Variants in APBA2 observed in about 807,000 individuals in gnomAD.
APBA2 encodes the protein amyloid-beta A4 precursor protein-binding family A member 2.
APBA2 carries 30 observed loss-of-function variants against 75.0 expected under a neutral mutation model. That is an observed-to-expected ratio of 0.40 (90% CI 0.30 to 0.54). The LOEUF is 0.54. Ranked by LOEUF, APBA2 falls within the 20% of genes least tolerant of loss-of-function variation. The probability of loss-of-function intolerance (pLI) is 0.49; values close to 1 mark genes in which losing one functional copy is unlikely to be tolerated. For missense variants in APBA2, 801 were observed against 1,016.1 expected, an observed-to-expected ratio of 0.79 and a Z score of 2.88; for synonymous variants, 444 against 409.6, an observed-to-expected ratio of 1.08 and a Z score of -1.01.
chr15:28,934,688 GCCT>G (rs1200540545), intron 2 of APBA2, among the ~76,000 whole-genome samples: 1 of 152,140 alleles, frequency 6.6e-6, no homozygotes, highest in Non-Finnish European at 1.5e-5. Flanking sequence ...ATCCCCTGGG[GCCT>G]CCTCAGAGCC....
intron 2 of APBA2, among the ~76,000 whole-genome samples, chr15:28,985,413 C>T (rs1048292895): frequency 2.7e-4 from 41 of 152,270 alleles, no homozygotes; most frequent in African/African-American, 9.4e-4. Flanking sequence ...CCTAACAAGC[C>T]GAGGTCAGAG....
At chr15:29,025,066 T>G (rs1293303152) in intron 3 of APBA2, among the ~76,000 whole-genome samples, 1 of 152,164 alleles carries the variant, frequency 6.6e-6, no homozygotes, top group African/African-American at 2.4e-5. Context: ...CAAGAATACT[T>G]CATAAGCGGT....
intron 8 of APBA2, among the ~76,000 whole-genome samples, chr15:29,096,387 C>T (rs2043852014): frequency 6.6e-6 from 1 of 152,218 alleles, no homozygotes; most frequent in South Asian, 2.1e-4. Flanking sequence ...CCTCAGGTTT[C>T]CTCCACAATT....
chr15:29,083,443 G>C (rs996630075), intron 6 of APBA2, among the ~76,000 whole-genome samples: 1 of 152,022 alleles, frequency 6.6e-6, no homozygotes, highest in Non-Finnish European at 1.5e-5. Context: ...TTCCATTTCA[G>C]ATTTTTTTCC....
intron 3 of APBA2, among the ~76,000 whole-genome samples, chr15:29,029,007 T>A (rs112582998): frequency 7.9e-4 from 121 of 152,338 alleles, no homozygotes; most frequent in Middle Eastern, 3.4e-3. Context: ...AGCTCTTTAG[T>A]TTAATTAGTT....
At chr15:29,094,840 A>T (rs1244590921) in intron 8 of APBA2, among the ~76,000 whole-genome samples, 2 of 151,634 alleles carry the variant, frequency 1.3e-5, no homozygotes, top group African/African-American at 4.8e-5. Flanking sequence ...CAGGAGGATC[A>T]TTTGAGCCTA....
chr15:29,051,220 A>G lies in APBA2; in HGVS notation c.-40-2625A>G, dbSNP rs745698647. On this transcript the variant is annotated intron_variant, in intron 3 of 14. Coordinates refer to ENST00000683413, the MANE Select transcript of APBA2 (RefSeq NM_001353788.2). ...GTGTTCTTGATGTGTCCTCTGACAC[A>G]TCTGGGTTGCAGATGTCTTAGTGAG... 2.6e-5 allele frequency among the ~76,000 whole-genome samples: 4 copies of G among 152,172 alleles called. No homozygotes were observed. In the South Asian group the frequency reaches 8.3e-4, roughly 32 times the overall value.
At chr15:28,961,063 C>T (rs1248516565) in intron 2 of APBA2, among the ~76,000 whole-genome samples, 2 of 152,166 alleles carry the variant, frequency 1.3e-5, no homozygotes, top group Non-Finnish European at 2.9e-5. Flanking sequence ...CTAGCCGACA[C>T]CCATCATTCT....
intron 2 of APBA2, among the ~76,000 whole-genome samples, chr15:28,940,662 C>T (rs575068008): frequency 2.6e-5 from 4 of 152,272 alleles, no homozygotes; most frequent in African/African-American, 9.6e-5. Flanking sequence ...GGCCTGGAAT[C>T]AGTGGCCAAA....
intron 1 of APBA2, among the ~76,000 whole-genome samples, chr15:28,889,195 G>A (rs546283341): frequency 2.4e-4 from 37 of 152,162 alleles, no homozygotes; most frequent in Non-Finnish European, 4.9e-4. Flanking sequence ...GCTGTCGTGG[G>A]CACCGTCTTT....
intron 3 of APBA2, among the ~76,000 whole-genome samples, chr15:29,010,204 G>A (rs1401207147): frequency 6.6e-6 from 1 of 152,056 alleles, no homozygotes; most frequent in African/African-American, 2.4e-5. Flanking sequence ...TGAAGTTTTT[G>A]TGCAAGTTTT....
intron 2 of APBA2, among the ~76,000 whole-genome samples, chr15:28,957,109 G>A (rs920006252): frequency 1.3e-5 from 2 of 151,728 alleles, no homozygotes; most frequent in South Asian, 2.1e-4. Flanking sequence ...GTCTCGTTCT[G>A]TCACCCAGGC....
intron 1 of APBA2, among the ~76,000 whole-genome samples, chr15:28,903,177 A>G (rs776851519): frequency 6.6e-6 from 1 of 152,166 alleles, no homozygotes; most frequent in African/African-American, 2.4e-5. Context: ...TCTTATGTTC[A>G]CTAGAAAAGA....
At chr15:29,043,021 G>A (rs541476725) in intron 3 of APBA2, among the ~76,000 whole-genome samples, 150 of 152,270 alleles carry the variant, frequency 9.9e-4, no homozygotes, top group African/African-American at 3.5e-3. Flanking sequence ...CCAAGGCACC[G>A]CTATTTCCAG....
intron 2 of APBA2, among the ~76,000 whole-genome samples, chr15:28,985,451 T>TGCC (rs2037870590): frequency 1.3e-5 from 2 of 152,220 alleles, no homozygotes; most frequent in Admixed American, 1.3e-4. Flanking sequence ...TAAGTGCTTC[T>TGCC]GCCACCTCAG....
At chr15:28,958,959 T>C (rs1364152437) in intron 2 of APBA2, among the ~76,000 whole-genome samples, 1 of 152,144 alleles carries the variant, frequency 6.6e-6, no homozygotes, top group African/African-American at 2.4e-5. Flanking sequence ...TTAAGTTTAT[T>C]TCTTCTATAG....
chr15:29,117,418 C>T lies in APBA2; in HGVS notation c.*285C>T, dbSNP rs1228946751. 2.9e-5 allele frequency: 15 copies of T among 513,078 alleles called. No homozygotes were observed. The highest frequency in any genetic ancestry group is 4.6e-5 in the Non-Finnish European group (13 of 282,178). 31.8% of individuals were successfully genotyped at this position (513,078 alleles called of 1,614,324 possible). ...TCCCTGCACAAGCCAGGGTGTGTCT[C>T]GGTAGCTGTGCGTGGTGTGGAGTGT... On this transcript the variant is annotated 3_prime_UTR_variant, in exon 15 of 15. Coordinates refer to ENST00000683413, the MANE Select transcript of APBA2 (RefSeq NM_001353788.2).
chr15:29,102,857 A>G (rs2044196935), intron 10 of APBA2: 1 of 152,144 alleles, frequency 6.6e-6, no homozygotes, highest in Non-Finnish European at 1.5e-5. Flanking sequence ...GCAATAGGGA[A>G]GGGTCCCCAT....
chr15:29,114,150 C>A, intron 14 of APBA2, 134 bp downstream of exon 14: 1 of 1,354,440 alleles, frequency 7.4e-7, no homozygotes. Context: ...ATCGGGGCTG[C>A]TGTGACAAGG....
Sources: allele counts gnomAD v4.1 joint callset (sites outside exome capture counted in the v4.1 genomes callset), GRCh38; gene constraint gnomAD v4.1.1; transcripts MANE v1.5; gene names NCBI Gene and HGNC (gene_info 2026-07-23, HGNC 2026-07-21).